The following OTUB1 variants were observed in gnomAD, a reference collection of about 807,000 sequenced individuals.
OTUB1 encodes the protein OTU deubiquitinase, ubiquitin aldehyde binding 1.
A neutral mutation model predicts 35.8 loss-of-function variants in OTUB1; 10 were observed. The ratio of observed to expected loss-of-function variants is 0.28; its 90% confidence interval spans 0.17 to 0.47. The LOEUF is 0.47. OTUB1 is among the 20% of genes least tolerant of loss of function. The probability of loss-of-function intolerance (pLI) is 0.99; values close to 1 mark genes in which losing one functional copy is unlikely to be tolerated. For synonymous variants in OTUB1, 158 were observed against 143.8 expected (o/e 1.10, Z -0.71); for missense variants, 264 against 351.6 (o/e 0.75, Z 1.99).
At chr11:63,994,017 C>T (rs1019435975) in intron 3 of OTUB1, among the ~76,000 whole-genome samples, 1 of 152,056 alleles carries the variant, frequency 6.6e-6, no homozygotes, top group African/African-American at 2.4e-5. Flanking sequence ...GTTCCAGCTA[C>T]TCTGAAATCT....
At chr11:63,994,105 T>G (rs1942696708) in intron 3 of OTUB1, among the ~76,000 whole-genome samples, 1 of 150,504 alleles carries the variant, frequency 6.6e-6, no homozygotes, top group Admixed American at 6.6e-5. Flanking sequence ...CCAGCCCAGG[T>G]GACATAGAAA....
Position 63,997,100 on chromosome 11 carries a change from G to C in OTUB1, c.474G>C (p.Leu158=). The C allele has an allele frequency of 6.2e-7, 1 of 1,614,212 alleles. No homozygotes were observed. Among genetic ancestry groups the C allele is most frequent in the South Asian group, 1.1e-5 (1 of 91,088 alleles). ...QVEKQTSVAD[L]LASFNDQSTS... is the part of the protein sequence containing the mutation. ...AGAAGCAGACCTCTGTCGCCGACCT[G>C]CTGGCCTCCTTCAATGACCAGAGCA... The change falls in exon 6 of 7, where the codon CTG becomes CTC. Residue 158 remains leucine, a synonymous_variant. Coordinates refer to ENST00000538426, the MANE Select transcript of OTUB1 (RefSeq NM_017670.3).
chr11:63,988,030 T>C (rs761884534), intron 1 of OTUB1, among the ~76,000 whole-genome samples: 2 of 152,100 alleles, frequency 1.3e-5, no homozygotes, highest in African/African-American at 2.4e-5. Context: ...ATCCCAGCAC[T>C]TTGGGAGGTT....
intron 4 of OTUB1, 92 bp downstream of exon 4, chr11:63,996,740 C>T (rs777045484): frequency 5.6e-6 from 9 of 1,610,794 alleles, no homozygotes; most frequent in Middle Eastern, 3.3e-4. Flanking sequence ...TGTCTCCCTC[C>T]TTCCCGGGCG....
In OTUB1 at chr11:63,996,627, A is replaced by C. The variant is rs1304607311; in HGVS notation, c.317A>C (p.Asp106Ala). ...FGFSHLEALLDDSKELQRFKA... is the reference protein window; with the variant it reads ...FGFSHLEALLADSKELQRFKA... ...TTCTCCCACTTGGAGGCACTGCTGG[A>C]TGACAGCAAGGAGTTGCAGCGGTGA... Residue 106 changes from aspartate to alanine, a missense_variant, in exon 4 of 7, where the codon GAT becomes GCT. Asp to Ala is a moderately radical substitution (Grantham distance 126, BLOSUM62 -2). Around this residue, in one of 2 missense-constraint regions of OTUB1, gnomAD observed 214 missense variants for 317.1 expected, o/e 0.67. Coordinates refer to ENST00000538426, the MANE Select transcript of OTUB1 (RefSeq NM_017670.3). The C allele has an allele frequency of 1.9e-6, 3 of 1,614,100 alleles. No individual in the cohort carries two copies. Among genetic ancestry groups the C allele is most frequent in the Non-Finnish European group, 2.5e-6 (3 of 1,180,044 alleles).
intron 1 of OTUB1, 187 bp downstream of exon 1, chr11:63,986,701 C>T (rs946926663): frequency 1.8e-5 from 10 of 559,728 alleles, no homozygotes; most frequent in Non-Finnish European, 2.8e-5. Flanking sequence ...GACCCCCGGC[C>T]GGGAGGGAGC....
chr11:63,995,142 C>T (rs904177520), intron 3 of OTUB1, among the ~76,000 whole-genome samples: 19 of 152,126 alleles, frequency 1.2e-4, no homozygotes, highest in Non-Finnish European at 2.1e-4. Context: ...CCACACAGTC[C>T]TCCGACCTCA....
chr11:63,990,008 C>T (rs1942656492), intron 3 of OTUB1: 1 of 117,890 alleles, frequency 8.5e-6, no homozygotes, highest in South Asian at 2.6e-4. Context: ...GAGTGAGACT[C>T]CGTCTCAAAA....
intron 3 of OTUB1, among the ~76,000 whole-genome samples, chr11:63,994,946 T>C (rs1179063428): frequency 1.3e-5 from 2 of 152,208 alleles, no homozygotes; most frequent in Non-Finnish European, 2.9e-5. Context: ...ATTCCCTTCC[T>C]TTTAAAGAAG....
At chr11:63,990,601 T>TAAA (rs1213908511) in intron 3 of OTUB1, 5 of 132,748 alleles carry the variant, frequency 3.8e-5, no homozygotes, top group African/African-American at 1.5e-4. Flanking sequence ...AATAAAAAAA[T>TAAA]AAATAAATAA....
At chr11:63,996,462 G>A in intron 3 of OTUB1, 68 bp from the exon 4 acceptor site, 1 of 1,544,014 alleles carries the variant, frequency 6.5e-7, no homozygotes, top group South Asian at 1.1e-5. Flanking sequence ...CTTTGCTGGG[G>A]GACATTTCCT....
chr11:63,997,766 C>A lies in OTUB1; in HGVS notation c.*220C>A, dbSNP rs1375434434. On this transcript the variant is annotated 3_prime_UTR_variant, in exon 7 of 7. Transcript: ENST00000538426. ...TGCTCTGTCTGCTGCCCCCTCCCCC[C>A]AGGTGGGTCCCCCTGCTTTTCACCT... 3 of 701,482 alleles carry A rather than the reference C, an allele frequency of 4.3e-6. No individual in the cohort carries two copies. The highest frequency in any genetic ancestry group is 2.7e-5 in the East Asian group (1 of 37,300). 43.5% of individuals were successfully genotyped at this position (701,482 alleles called of 1,614,324 possible).
At chr11:63,986,749 T>G (rs1942623966) in intron 1 of OTUB1, 2 of 508,230 alleles carry the variant, frequency 3.9e-6, no homozygotes, top group Non-Finnish European at 6.9e-6. Flanking sequence ...CCCTTCTCCA[T>G]CGTGTGCGCC....
At position 63,998,071 on chromosome 11, in the gene OTUB1, C is replaced by T; in HGVS notation, c.*525C>T. ...TGGTTGGGAGTCCTGGGTGGAGGGG[C>T]CTTTGTGAGGCTGGACCCGGCTCAG... On this transcript the variant is annotated 3_prime_UTR_variant, in exon 7 of 7. Transcript: ENST00000538426. The T allele has an allele frequency of 4.8e-6, 2 of 419,732 alleles. No individual in the cohort carries two copies. Among genetic ancestry groups the T allele is most frequent in the Non-Finnish European group, 8.7e-6 (2 of 229,848 alleles). The allele number at this position is 419,732 out of a possible 1,614,324, so 26.0% of individuals were successfully genotyped here. A position where few individuals can be genotyped will look rare whatever the true frequency, so the allele number is the denominator to read the frequency against.
At chr11:63,992,099 C>G (rs890665391) in intron 3 of OTUB1, among the ~76,000 whole-genome samples, 1 of 152,146 alleles carries the variant, frequency 6.6e-6, no homozygotes, top group Admixed American at 6.6e-5. Context: ...TCCCTGTAAT[C>G]CCAGCTACTT....
Position 63,997,671 on chromosome 11 carries a change from C to A in OTUB1, c.*125C>A. ...CTTCTTCCTGTCACATGACCCCCCC[C>A]CATGTTTTATTAAAGGGGGTGCTGG... On this transcript the variant is annotated 3_prime_UTR_variant, in exon 7 of 7. Transcript: ENST00000538426. 1.3e-6 allele frequency: 1 copy of A among 795,820 alleles called. No homozygotes were observed. The highest frequency in any genetic ancestry group is 2.1e-6 in the Non-Finnish European group (1 of 468,188). 49.3% of individuals were successfully genotyped at this position (795,820 alleles called of 1,614,324 possible).
intron 3 of OTUB1, 35 bp downstream of exon 3, chr11:63,988,787 T>TG (rs770612719): frequency 7.2e-7 from 1 of 1,387,080 alleles, no homozygotes; most frequent in Non-Finnish European, 1.0e-6. Flanking sequence ...GGAAGCACCC[T>TG]GGGGGTGGGG....
intron 3 of OTUB1, among the ~76,000 whole-genome samples, chr11:63,992,322 CG>C (rs1942679887): frequency 6.6e-6 from 1 of 151,884 alleles, no homozygotes; most frequent in African/African-American, 2.4e-5. Context: ...AGAAAAAGAC[CG>C]GGGAGCGAGT....
At chr11:63,991,345 A>C (rs898534684) in intron 3 of OTUB1, among the ~76,000 whole-genome samples, 3 of 152,146 alleles carry the variant, frequency 2.0e-5, no homozygotes, top group Non-Finnish European at 4.4e-5. Flanking sequence ...AGTGTCCTCC[A>C]GTGGGACCCC....
Sources: allele counts gnomAD v4.1 joint callset (sites outside exome capture counted in the v4.1 genomes callset), GRCh38; gene constraint gnomAD v4.1.1; regional missense constraint gnomAD v4.1.1; transcripts MANE v1.5; gene names NCBI Gene and HGNC (gene_info 2026-07-23, HGNC 2026-07-21).